The following EXOC6B variants were observed in gnomAD, a reference collection of about 807,000 sequenced individuals.
The protein encoded by EXOC6B is SEC15 homolog B.
EXOC6B carries 54 observed loss-of-function variants against 113.5 expected under a neutral mutation model. That is an observed-to-expected ratio of 0.48 (90% CI 0.38 to 0.60). EXOC6B has a LOEUF of 0.60. EXOC6B is among the 20% of genes least tolerant of loss of function. The pLI is 0.00. For synonymous variants in EXOC6B, 357 were observed against 339.0 expected, an observed-to-expected ratio of 1.05 and a Z score of -0.58; for missense variants, 797 against 977.5, an observed-to-expected ratio of 0.82 and a Z score of 2.46.
chr2:72,408,723 G>C (rs1693963578), intron 18 of EXOC6B, among the ~76,000 whole-genome samples: 1 of 152,112 alleles, frequency 6.6e-6, no homozygotes. Context: ...AGTTAAGATG[G>C]ATTAAAGACT....
chr2:72,332,627 G>A (rs1021034139), intron 20 of EXOC6B, among the ~76,000 whole-genome samples: 1 of 152,030 alleles, frequency 6.6e-6, no homozygotes, highest in Non-Finnish European at 1.5e-5. Context: ...TAGGGTAGTG[G>A]AACCTCCTCA....
At chr2:72,199,955 G>A (rs1039998894) in intron 20 of EXOC6B, among the ~76,000 whole-genome samples, 4 of 151,964 alleles carry the variant, frequency 2.6e-5, no homozygotes, top group African/African-American at 7.3e-5. Flanking sequence ...GGAGTGCAAC[G>A]GCACGATCTC....
intron 6 of EXOC6B, among the ~76,000 whole-genome samples, chr2:72,710,518 A>T (rs1679205939): frequency 6.6e-6 from 1 of 152,216 alleles, no homozygotes; most frequent in Admixed American, 6.5e-5. Context: ...TACAAATATC[A>T]AAATCAAGAA....
At chr2:72,488,712 C>A (rs1466780432) in intron 16 of EXOC6B, among the ~76,000 whole-genome samples, 1 of 152,266 alleles carries the variant, frequency 6.6e-6, no homozygotes, top group East Asian at 1.9e-4. Flanking sequence ...CACTTAAAAT[C>A]TTATCACTGT....
chr2:72,748,177 G>T (rs985808097), intron 1 of EXOC6B, among the ~76,000 whole-genome samples: 1 of 151,812 alleles, frequency 6.6e-6, no homozygotes, highest in African/African-American at 2.4e-5. Context: ...GAACATTTTG[G>T]TTTTTGTTTT....
At chr2:72,757,679 T>C (rs1199735171) in intron 1 of EXOC6B, among the ~76,000 whole-genome samples, 1 of 152,220 alleles carries the variant, frequency 6.6e-6, no homozygotes, top group Non-Finnish European at 1.5e-5. Flanking sequence ...ATAAACTCTT[T>C]TGTTCTAGAC....
chr2:72,519,479 TGCTGTTC>T (rs1400259721), intron 8 of EXOC6B, among the ~76,000 whole-genome samples: 3 of 152,284 alleles, frequency 2.0e-5, no homozygotes, highest in Admixed American at 2.0e-4. Context: ...ATGAGTATAG[TGCTGTTC>T]GCTATGAGTT....
intron 20 of EXOC6B, among the ~76,000 whole-genome samples, chr2:72,290,096 A>T (rs141430535): frequency 6.6e-6 from 1 of 152,152 alleles, no homozygotes; most frequent in East Asian, 1.9e-4. Context: ...TTGGACTAGA[A>T]CTACACCATT....
Position 72,179,432 on chromosome 2 carries a change from ATGT to A in EXOC6B, c.2336_2338del (p.Asn779del), listed in dbSNP as rs1194224600. On this transcript the variant is annotated inframe_deletion, in exon 22 of 22. Coordinates refer to ENST00000272427, the MANE Select transcript of EXOC6B (RefSeq NM_015189.3). ...CTCATTTTTCCGAAACTGTGCAAAC[ATGT>A]TGTTCTTGCGGCTAGTATCCTTCAT... The A allele has an allele frequency of 1.9e-6, 3 of 1,613,790 alleles. No homozygotes were observed. Among genetic ancestry groups the A allele is most frequent in the Admixed American group, 3.3e-5 (2 of 59,988 alleles).
chr2:72,206,180 G>T (rs1161820210), intron 20 of EXOC6B, among the ~76,000 whole-genome samples: 2 of 152,180 alleles, frequency 1.3e-5, no homozygotes, highest in Non-Finnish European at 2.9e-5. Flanking sequence ...TAAGGTAATT[G>T]AGGCACAGGA....
At chr2:72,347,025 C>T (rs1356138473) in intron 19 of EXOC6B, among the ~76,000 whole-genome samples, 2 of 152,148 alleles carry the variant, frequency 1.3e-5, no homozygotes, top group African/African-American at 4.8e-5. Flanking sequence ...CAATATGCAA[C>T]TCCCACCCTA....
chr2:72,328,020 A>G (rs1469206823), intron 20 of EXOC6B, among the ~76,000 whole-genome samples: 7 of 151,662 alleles, frequency 4.6e-5, no homozygotes, highest in Admixed American at 1.3e-4. Flanking sequence ...TCTAGCTCAA[A>G]TGGAGCCTAT....
chr2:72,628,322 T>G (rs929196165), intron 6 of EXOC6B, among the ~76,000 whole-genome samples: 6 of 151,792 alleles, frequency 4.0e-5, no homozygotes, highest in Non-Finnish European at 7.4e-5. Context: ...AGAGACAGAG[T>G]CTCACTGTGT....
At chr2:72,254,544 G>A (rs1683233360) in intron 20 of EXOC6B, among the ~76,000 whole-genome samples, 1 of 152,164 alleles carries the variant, frequency 6.6e-6, no homozygotes, top group Non-Finnish European at 1.5e-5. Flanking sequence ...AATAGCCATA[G>A]GAAACTAATA....
At chr2:72,723,773 G>A (rs1200945127) in intron 5 of EXOC6B, among the ~76,000 whole-genome samples, 4 of 147,492 alleles carry the variant, frequency 2.7e-5, no homozygotes, top group Admixed American at 1.3e-4. Flanking sequence ...TTCTAGCTAC[G>A]AAAGCCTAAC....
chr2:72,582,179 GC>G (rs764749058), intron 6 of EXOC6B, among the ~76,000 whole-genome samples: 1 of 151,860 alleles, frequency 6.6e-6, no homozygotes, highest in African/African-American at 2.4e-5. Flanking sequence ...ATATATATGG[GC>G]AAAAAATAAA....
intron 18 of EXOC6B, among the ~76,000 whole-genome samples, chr2:72,395,285 A>G (rs965360070): frequency 6.6e-6 from 1 of 152,112 alleles, no homozygotes; most frequent in Non-Finnish European, 1.5e-5. Flanking sequence ...ACAAAATACA[A>G]TGGTAGACGC....
intron 1 of EXOC6B, among the ~76,000 whole-genome samples, chr2:72,778,874 T>G (rs538809526): frequency 6.6e-6 from 1 of 152,248 alleles, no homozygotes; most frequent in South Asian, 2.1e-4. Context: ...AAAAATATAA[T>G]AGAGCAAACA....
intron 6 of EXOC6B, among the ~76,000 whole-genome samples, chr2:72,582,407 T>C (rs938898900): frequency 5.3e-5 from 8 of 152,032 alleles, no homozygotes; most frequent in African/African-American, 1.4e-4. Flanking sequence ...ATCCCAGCTA[T>C]TCTGGAGGCT....
Sources: gnomAD v4.1 joint callset for allele counts (sites outside exome capture counted in the v4.1 genomes callset) on GRCh38, gnomAD v4.1.1 for gene constraint, MANE v1.5 for transcripts, NCBI Gene and HGNC (gene_info 2026-07-23, HGNC 2026-07-21) for gene names.